CXCL5: variants seen among roughly 807,000 people sequenced by gnomAD.
CXCL5 encodes C-X-C motif chemokine 5.
A neutral mutation model predicts 12.1 loss-of-function variants in CXCL5; 13 were observed. The observed-to-expected ratio is 1.08, with a 90% CI of 0.70 to 1.71. CXCL5 has a LOEUF of 1.71. CXCL5 is among the 40% of genes most tolerant of loss of function. The pLI is 0.00. For synonymous variants in CXCL5, 67 were observed against 59.0 expected, an observed-to-expected ratio of 1.14 and a Z score of -0.62; for missense variants, 159 against 142.4, an observed-to-expected ratio of 1.12 and a Z score of -0.59.
Position 73,996,297 on chromosome 4 carries a change from G to T in CXCL5, c.*1340C>A, listed in dbSNP as rs1719190936. The T allele has an allele frequency of 6.6e-6, 1 of 152,402 alleles. No homozygotes were observed. The highest frequency in any genetic ancestry group is 1.5e-5 in the Non-Finnish European group (1 of 68,036). 9.4% of individuals were successfully genotyped at this position (152,402 alleles called of 1,614,324 possible). On this transcript the variant is annotated 3_prime_UTR_variant, in exon 4 of 4. Transcript: ENST00000296027. ...AGGACTAGAACAGGCTTTACATTCAGACAGAAATGCTTCAAAATCCCAGTG... is the reference window on the plus strand; with the variant it reads ...AGGACTAGAACAGGCTTTACATTCATACAGAAATGCTTCAAAATCCCAGTG...
Position 73,998,614 on chromosome 4 carries a change from G to A in CXCL5, c.-33C>T, listed in dbSNP as rs1053289401. 1.3e-6 allele frequency: 2 copies of A among 1,545,390 alleles called. No individual in the cohort carries two copies. The highest frequency in any genetic ancestry group is 1.8e-6 in the Non-Finnish European group (2 of 1,139,826). On this transcript the variant is annotated 5_prime_UTR_variant, in exon 1 of 4. Coordinates refer to ENST00000296027, the MANE Select transcript of CXCL5 (RefSeq NM_002994.5). ...AAGAGAGCGCTGCGAGCGGTCGCGG[G>A]TTCCTGAACTGGGTGGAGGAGCGGA...
At chr4:73,998,377 G>T in intron 1 of CXCL5, 39 bp from the exon 2 acceptor site, 1 of 1,611,832 alleles carries the variant, frequency 6.2e-7, no homozygotes, top group African/African-American at 1.3e-5. Flanking sequence ...AGGGCAGGTT[G>T]CTGGGAGAGT....
Position 73,998,093 on chromosome 4 carries a change from G to A in CXCL5, c.245C>T (p.Ala82Val). The A allele has an allele frequency of 6.2e-7, 1 of 1,613,402 alleles. No individual in the cohort carries two copies. The highest frequency in any genetic ancestry group is 2.2e-5 in the East Asian group (1 of 44,882). Residue 82 changes from alanine to valine, a missense_variant and splice_region_variant, in exon 3 of 4, where the codon GCC (alanine) becomes GTC (valine). Transcript: ENST00000296027. ...GPQCSKVEVV[A>V]SLKNGKEICL... Reference sequence around the variant, plus strand: ...AATTTCCTTCCCGTTCTTCAGGGAGGCTCTGAAGGAAAGAAAAAGAAGATA... The same window carrying A: ...AATTTCCTTCCCGTTCTTCAGGGAGACTCTGAAGGAAAGAAAAAGAAGATA...
chr4:73,998,046 A>G lies in CXCL5; in HGVS notation c.292T>C (p.Phe98Leu). ...ATTTTCTGGATGACTTTCTTTAGAAAAGGGGCTTCTGGATCAAGACAAATT... is the reference window on the plus strand; with the variant it reads ...ATTTTCTGGATGACTTTCTTTAGAAGAGGGGCTTCTGGATCAAGACAAATT... ...KEICLDPEAP[F>L]LKKVIQKILD... Residue 98 changes from phenylalanine to leucine, a missense_variant, in exon 3 of 4, where the codon TTT becomes CTT. Physicochemically the swap from Phe to Leu is conservative, Grantham distance 22. Coordinates refer to ENST00000296027, the MANE Select transcript of CXCL5 (RefSeq NM_002994.5). The G allele has an allele frequency of 6.2e-7, 1 of 1,614,198 alleles. No homozygotes were observed. Among genetic ancestry groups the G allele is most frequent in the Non-Finnish European group, 8.5e-7 (1 of 1,180,044 alleles).
At chr4:73,998,148 A>G in intron 2 of CXCL5, 53 bp from the exon 3 acceptor site, 2 of 1,613,880 alleles carry the variant, frequency 1.2e-6, no homozygotes, top group East Asian at 4.5e-5. Context: ...TTGAAGACCC[A>G]GGCTGCGGGA....
chr4:73,998,416 C>G (rs1719246772), intron 1 of CXCL5, 57 bp downstream of exon 1: 3 of 1,607,328 alleles, frequency 1.9e-6, no homozygotes, highest in Admixed American at 3.3e-5. Flanking sequence ...CCCGCAGAGG[C>G]TGGGATGCAC....
rs887297047 is a variant in CXCL5, at chr4:73,997,466, T to C, written c.*171A>G. ...AAGCTTAAGCGGCAAACATAGGTTT[T>C]CCTCACACTCTTCAAAGTGAGGAAT... is the stretch of plus-strand genomic sequence containing the variant. On this transcript the variant is annotated 3_prime_UTR_variant, in exon 4 of 4. Transcript: ENST00000296027. The C allele has an allele frequency of 1.5e-5, 9 of 613,370 alleles. No homozygotes were observed. Among genetic ancestry groups the C allele is most frequent in the Admixed American group, 3.2e-5 (1 of 31,316 alleles). 38.0% of individuals were successfully genotyped at this position (613,370 alleles called of 1,614,324 possible).
In CXCL5 at chr4:73,997,471, A is replaced by C; in HGVS notation, c.*166T>G. 1 of 623,304 alleles carries C rather than the reference A, an allele frequency of 1.6e-6. No individual in the cohort carries two copies. 38.6% of individuals were successfully genotyped at this position (623,304 alleles called of 1,614,324 possible). A position where few individuals can be genotyped will look rare whatever the true frequency, so the allele number is the denominator to read the frequency against. On this transcript the variant is annotated 3_prime_UTR_variant, in exon 4 of 4. Coordinates refer to ENST00000296027, the MANE Select transcript of CXCL5 (RefSeq NM_002994.5). ...TAAGCGGCAAACATAGGTTTTCCTC[A>C]CACTCTTCAAAGTGAGGAATCCAGG...
At position 73,998,259 on chromosome 4, in the gene CXCL5, G is replaced by T. The variant is rs775301113; in HGVS notation, c.189C>A (p.Ile63=). The T allele has an allele frequency of 1.9e-6, 3 of 1,614,156 alleles. No homozygotes were observed. The Admixed American group carries it at 5.0e-5, about 27-fold the overall frequency. The change falls in exon 2 of 4, where the codon ATC becomes ATA. Residue 63 remains isoleucine (I), a synonymous_variant. Transcript: ENST00000296027. The part of the protein sequence containing the change: ...QTTQGVHPKM[I]SNLQVFAIGP... ...CTATGGCGAACACTTGCAGATTACT[G>T]ATCATTTTGGGATGAACTCCTTGCG...
In CXCL5 at chr4:73,998,613, G is replaced by T. The variant is rs754492573; in HGVS notation, c.-32C>A. On this transcript the variant is annotated 5_prime_UTR_variant, in exon 1 of 4. Transcript: ENST00000296027. ...CAAGAGAGCGCTGCGAGCGGTCGCG[G>T]GTTCCTGAACTGGGTGGAGGAGCGG... 8.4e-6 allele frequency: 13 copies of T among 1,548,832 alleles called. No homozygotes were observed. Among genetic ancestry groups the T allele is most frequent in the African/African-American group, 1.4e-5 (1 of 73,054 alleles).
intron 3 of CXCL5, 47 bp downstream of exon 3, chr4:73,997,965 C>T (rs1355534131): frequency 7.0e-7 from 1 of 1,420,838 alleles, no homozygotes; most frequent in Admixed American, 1.7e-5. Flanking sequence ...AGTCTATGGT[C>T]TCCCTAGATC....
chr4:73,998,409 G>A, intron 1 of CXCL5, 64 bp downstream of exon 1: 2 of 1,607,096 alleles, frequency 1.2e-6, no homozygotes, highest in Admixed American at 1.7e-5. Flanking sequence ...CAGCGACCCC[G>A]CAGAGGCTGG....
Position 73,997,294 on chromosome 4 carries a change from A to G in CXCL5, c.*343T>C, listed in dbSNP as rs1268168059. The G allele has an allele frequency of 4.0e-6, 1 of 250,192 alleles. No homozygotes were observed. Among genetic ancestry groups the G allele is most frequent in the African/African-American group, 2.2e-5 (1 of 45,178 alleles). 15.5% of individuals were successfully genotyped at this position (250,192 alleles called of 1,614,324 possible). ...AATATTTCTTGGAAATATAATAGTC[A>G]CCTACAATTCAAGACACTTTGAAAG... On this transcript the variant is annotated 3_prime_UTR_variant, in exon 4 of 4. Coordinates refer to ENST00000296027, the MANE Select transcript of CXCL5 (RefSeq NM_002994.5).
Position 73,997,675 on chromosome 4 carries a change from AT to A in CXCL5, c.327-21del, listed in dbSNP as rs1256460208. ...TTTCCACTGTTGAGAAAAATGTTAT[AT>A]TAGTTTAACCATTTTTCACACTCCT... is the stretch of plus-strand genomic sequence containing the variant. On this transcript the variant is annotated intron_variant, in intron 3 of 3. Transcript: ENST00000296027. 6.3e-7 allele frequency: 1 copy of A among 1,592,710 alleles called. No individual in the cohort carries two copies. The highest frequency in any genetic ancestry group is 1.7e-5 in the Admixed American group (1 of 59,052).
chr4:73,998,462 T>A lies in CXCL5; in HGVS notation c.109+11A>T. On this transcript the variant is annotated intron_variant, in intron 1 of 3. Transcript: ENST00000296027. ...GAGTGCGAGTGCGTCCCGCGCGCCA[T>A]GCGCTCTCACCGCTGGCGATGGGCC... The A allele has an allele frequency of 6.2e-7, 1 of 1,606,566 alleles. No individual in the cohort carries two copies. Among genetic ancestry groups the A allele is most frequent in the Non-Finnish European group, 8.5e-7 (1 of 1,176,120 alleles).
rs1016006155 is a variant in CXCL5, at chr4:73,997,996, T to A, written c.326+16A>T. On this transcript the variant is annotated intron_variant, in intron 3 of 3. Transcript: ENST00000296027. ...AGATCAGATTTAGAAACCACAAAGATCAAAGTGACAAGTACCCGTCCAAAA... is the reference window on the plus strand; with the variant it reads ...AGATCAGATTTAGAAACCACAAAGAACAAAGTGACAAGTACCCGTCCAAAA... 18 of 1,606,478 alleles carry A rather than the reference T, an allele frequency of 1.1e-5. No homozygotes were observed. In the Admixed American group the frequency reaches 1.8e-4, roughly 16 times the overall value.
In CXCL5 at chr4:73,998,577, C is replaced by T. The variant is rs200226758; in HGVS notation, c.5G>A (p.Ser2Asn). The T allele has an allele frequency of 3.8e-5, 61 of 1,585,104 alleles. No homozygotes were observed. The highest frequency in any genetic ancestry group is 1.7e-4 in the Middle Eastern group (1 of 6,030). Residue 2 changes from serine to asparagine, a missense_variant, in exon 1 of 4, where the codon AGC becomes AAC. By Grantham distance (46) the Ser-to-Asn change is conservative. Transcript: ENST00000296027. The part of the protein sequence containing the change: M[S>N]LLSSRAARVP... ...ACGGGCCGCGCGGCTGGACAGGAGG[C>T]TCATAGTGGTCAAGAGAGCGCTGCG...
Position 73,997,563 on chromosome 4 carries a change from T to C in CXCL5, c.*74A>G. 3 of 1,102,348 alleles carry C rather than the reference T, an allele frequency of 2.7e-6. No individual in the cohort carries two copies. Among genetic ancestry groups the C allele is most frequent in the Non-Finnish European group, 4.0e-6 (3 of 741,632 alleles). The allele number at this position is 1,102,348 out of a possible 1,614,324, so 68.3% of individuals were successfully genotyped here. ...CAAAATCTTTCCTTCTTGTCTTCCCTGGGTTCAGAGACCTCCAGAAAACTT... is the reference window on the plus strand; with the variant it reads ...CAAAATCTTTCCTTCTTGTCTTCCCCGGGTTCAGAGACCTCCAGAAAACTT... On this transcript the variant is annotated 3_prime_UTR_variant, in exon 4 of 4. Coordinates refer to ENST00000296027, the MANE Select transcript of CXCL5 (RefSeq NM_002994.5).
At chr4:73,998,156 G>A (rs1275040091) in intron 2 of CXCL5, 50 bp downstream of exon 2, 1 of 1,613,942 alleles carries the variant, frequency 6.2e-7, no homozygotes, top group Non-Finnish European at 8.5e-7. Context: ...CCAGGCTGCG[G>A]GATTTCTCTC....
Sources: gnomAD v4.1 joint callset for allele counts on GRCh38, gnomAD v4.1.1 for gene constraint, MANE v1.5 for transcripts, NCBI Gene and HGNC (gene_info 2026-07-23, HGNC 2026-07-21) for gene names.